The following PPP1R1C variants were observed in gnomAD, a reference collection of about 807,000 sequenced individuals.
PPP1R1C encodes protein phosphatase 1 regulatory inhibitor subunit 1C.
A neutral mutation model predicts 17.4 loss-of-function variants in PPP1R1C; 15 were observed. The observed-to-expected ratio is 0.86, with a 90% CI of 0.58 to 1.33. The LOEUF (loss-of-function observed/expected upper bound fraction) is 1.33, where lower values mean the gene tolerates loss of function less well. Among genes scored for constraint, PPP1R1C ranks in the 40% most tolerant of loss-of-function variants. The pLI is 0.00. For synonymous variants in PPP1R1C, 35 were observed against 43.1 expected, an observed-to-expected ratio of 0.81 and a Z score of 0.73; for missense variants, 143 against 130.0, an observed-to-expected ratio of 1.10 and a Z score of -0.48.
chr2:181,982,546 A>G (rs894654441), upstream of PPP1R1C, among the ~76,000 whole-genome samples: 6 of 152,234 alleles, frequency 3.9e-5, no homozygotes, highest in Non-Finnish European at 8.8e-5. Flanking sequence ...ACATAAAACT[A>G]TATATAATTA....
At chr2:182,011,805 T>C (rs1553503049) in intron 2 of PPP1R1C, among the ~76,000 whole-genome samples, 1 of 152,060 alleles carries the variant, frequency 6.6e-6, no homozygotes, top group Non-Finnish European at 1.5e-5. Flanking sequence ...GGTTTTGGTA[T>C]GTTGTGTTTC....
At chr2:182,082,016 T>C (rs1046097898) in intron 4 of PPP1R1C, among the ~76,000 whole-genome samples, 1 of 151,936 alleles carries the variant, frequency 6.6e-6, no homozygotes, top group Non-Finnish European at 1.5e-5. Flanking sequence ...TTTTTATTCC[T>C]GAAGCTTAAA....
intron 2 of PPP1R1C, among the ~76,000 whole-genome samples, chr2:182,014,318 C>T (rs1358664322): frequency 6.6e-6 from 1 of 152,170 alleles, no homozygotes; most frequent in Non-Finnish European, 1.5e-5. Flanking sequence ...CCTTGGGGGT[C>T]TTGTTAAAAT....
chr2:182,017,487 A>C (rs1686294590), intron 2 of PPP1R1C, among the ~76,000 whole-genome samples: 1 of 152,106 alleles, frequency 6.6e-6, no homozygotes, highest in Admixed American at 6.5e-5. Context: ...GTATATCAAC[A>C]AAAAATGAGT....
chr2:182,097,627 T>C (rs949023021), intron 4 of PPP1R1C, among the ~76,000 whole-genome samples: 1 of 152,156 alleles, frequency 6.6e-6, no homozygotes, highest in African/African-American at 2.4e-5. Context: ...CCATTTAACT[T>C]GGAATGTATT....
intron 5 of PPP1R1C, among the ~76,000 whole-genome samples, chr2:182,123,897 C>T (rs149317974): frequency 0.016 from 2,464 of 152,224 alleles, 37 homozygotes; most frequent in South Asian, 0.058. Flanking sequence ...GTTGCCATTG[C>T]TTTTGGTGTT....
intron 2 of PPP1R1C, among the ~76,000 whole-genome samples, chr2:182,006,313 C>G (rs971625711): frequency 6.6e-6 from 1 of 152,100 alleles, no homozygotes; most frequent in Admixed American, 6.5e-5. Flanking sequence ...TCACTAGAAC[C>G]TTTGAAGACT....
At chr2:182,025,462 G>A (rs1686575212) in intron 2 of PPP1R1C, among the ~76,000 whole-genome samples, 1 of 134,512 alleles carries the variant, frequency 7.4e-6, no homozygotes, top group Non-Finnish European at 1.6e-5. Context: ...TGCGGTGTTT[G>A]GTTTTTTGTT....
chr2:181,973,603 G>A (rs572720566), intron 1 of PPP1R1C, among the ~76,000 whole-genome samples: 4 of 152,282 alleles, frequency 2.6e-5, no homozygotes, highest in African/African-American at 7.2e-5. Context: ...AAGGCAAGAC[G>A]AATGTTTCAG....
At chr2:181,977,908 G>A (rs1021238262) in intron 2 of PPP1R1C, among the ~76,000 whole-genome samples, 1 of 152,172 alleles carries the variant, frequency 6.6e-6, no homozygotes, top group African/African-American at 2.4e-5. Context: ...CACTGGGGCT[G>A]TTGACAGGAA....
At chr2:182,102,201 C>T (rs1303985196) in intron 4 of PPP1R1C, among the ~76,000 whole-genome samples, 2 of 152,134 alleles carry the variant, frequency 1.3e-5, no homozygotes, top group African/African-American at 4.8e-5. Context: ...ACATGGAAAA[C>T]ATATTGTCAA....
At chr2:182,130,218 T>C (rs568241400), downstream of PPP1R1C, 4 of 152,256 alleles carry the variant, frequency 2.6e-5, no homozygotes, top group East Asian at 7.7e-4. Context: ...ATTATTATTA[T>C]CCTCCCTACT....
intron 2 of PPP1R1C, among the ~76,000 whole-genome samples, chr2:181,979,602 A>G (rs1276737814): frequency 1.3e-5 from 2 of 152,198 alleles, no homozygotes; most frequent in Non-Finnish European, 2.9e-5. Flanking sequence ...AGAATGACTC[A>G]AAAGCTAGGC....
At chr2:182,113,185 C>G (rs560043407) in intron 4 of PPP1R1C, among the ~76,000 whole-genome samples, 1 of 152,138 alleles carries the variant, frequency 6.6e-6, no homozygotes, top group Non-Finnish European at 1.5e-5. Flanking sequence ...TATTTCTGGG[C>G]AAACATAAAG....
At chr2:182,017,033 C>T (rs1371233171) in intron 2 of PPP1R1C, among the ~76,000 whole-genome samples, 1 of 152,122 alleles carries the variant, frequency 6.6e-6, no homozygotes, top group Admixed American at 6.5e-5. Context: ...ATATAGTTTA[C>T]CCATCTTTGA....
chr2:181,984,789 A>G (rs191760852), upstream of PPP1R1C, among the ~76,000 whole-genome samples: 114 of 152,330 alleles, frequency 7.5e-4, no homozygotes, highest in Non-Finnish European at 1.3e-3. Flanking sequence ...ATCCAAAAAC[A>G]TATTTACAAA....
intron 4 of PPP1R1C, among the ~76,000 whole-genome samples, chr2:182,093,886 T>G (rs1688857236): frequency 6.6e-6 from 1 of 152,194 alleles, no homozygotes; most frequent in Non-Finnish European, 1.5e-5. Flanking sequence ...TTTCCACATT[T>G]TCCTGTCTTT....
chr2:182,012,893 C>T (rs1435952122), intron 2 of PPP1R1C, among the ~76,000 whole-genome samples: 2 of 151,994 alleles, frequency 1.3e-5, no homozygotes, highest in African/African-American at 4.8e-5. Flanking sequence ...AAAGAGAAAA[C>T]TAATAAAAAC....
At chr2:182,059,459 G>T (rs906916266) in intron 2 of PPP1R1C, among the ~76,000 whole-genome samples, 7 of 151,926 alleles carry the variant, frequency 4.6e-5, no homozygotes, top group Non-Finnish European at 8.8e-5. Flanking sequence ...AGACTTCTGG[G>T]ACTGCCAACG....
Sources: gnomAD v4.1 joint callset for allele counts (sites outside exome capture counted in the v4.1 genomes callset) on GRCh38, gnomAD v4.1.1 for gene constraint, MANE v1.5 for transcripts, NCBI Gene and HGNC (gene_info 2026-07-23, HGNC 2026-07-21) for gene names.